The following CDK6 variants were observed in gnomAD, a reference collection of about 807,000 sequenced individuals.
The protein encoded by CDK6 is cyclin dependent kinase 6, also known as cyclin-dependent kinase 6.
A neutral mutation model predicts 37.1 loss-of-function variants in CDK6; 6 were observed. The ratio of observed to expected loss-of-function variants is 0.16; its 90% CI spans 0.09 to 0.32. The LOEUF (loss-of-function observed/expected upper bound fraction) is 0.32, where lower values mean the gene tolerates loss of function less well. Ranked by LOEUF, CDK6 falls within the 10% of genes least tolerant of loss-of-function variation. The probability of loss-of-function intolerance (pLI) is 1.00; values close to 1 mark genes in which losing one functional copy is unlikely to be tolerated. For synonymous variants in CDK6, 160 were observed against 161.3 expected (o/e 0.99, Z 0.06); for missense variants, 224 against 418.9 (o/e 0.53, Z 4.06).
intron 4 of CDK6, among the ~76,000 whole-genome samples, chr7:92,714,046 C>T (rs889350352): frequency 1.3e-5 from 2 of 152,072 alleles, no homozygotes; most frequent in Non-Finnish European, 2.9e-5. Flanking sequence ...TGTGTTGTTA[C>T]CTGAAGTGCT....
At chr7:92,745,752 A>G (rs1562953739) in intron 3 of CDK6, among the ~76,000 whole-genome samples, 2 of 152,212 alleles carry the variant, frequency 1.3e-5, no homozygotes, top group African/African-American at 4.8e-5. Flanking sequence ...TGTGTTGCTG[A>G]TAAGTCTGCT....
At chr7:92,800,902 G>A (rs1270472338) in intron 2 of CDK6, among the ~76,000 whole-genome samples, 1 of 152,048 alleles carries the variant, frequency 6.6e-6, no homozygotes, top group Non-Finnish European at 1.5e-5. Context: ...TCATTTCTTG[G>A]GATGTATCCT....
At chr7:92,801,436 T>C (rs867797165) in intron 2 of CDK6, among the ~76,000 whole-genome samples, 3 of 152,078 alleles carry the variant, frequency 2.0e-5, no homozygotes, top group South Asian at 4.1e-4. Flanking sequence ...TACAGGGACA[T>C]AGAATTTTAA....
chr7:92,688,597 A>T (rs1454065488), intron 4 of CDK6, among the ~76,000 whole-genome samples: 4 of 150,094 alleles, frequency 2.7e-5, no homozygotes, highest in African/African-American at 7.3e-5. Context: ...ACACACACAC[A>T]CACACACACA....
chr7:92,694,486 A>G (rs1797665140), intron 4 of CDK6, among the ~76,000 whole-genome samples: 1 of 152,254 alleles, frequency 6.6e-6, no homozygotes, highest in Non-Finnish European at 1.5e-5. Context: ...CTGAAAGAAC[A>G]TTAATAATTA....
At chr7:92,714,525 C>G (rs1167858082) in intron 4 of CDK6, among the ~76,000 whole-genome samples, 2 of 152,140 alleles carry the variant, frequency 1.3e-5, no homozygotes, top group East Asian at 3.9e-4. Flanking sequence ...TTCACCTCCC[C>G]AAACGGGCTT....
chr7:92,799,744 T>C (rs1800520796), intron 2 of CDK6, among the ~76,000 whole-genome samples: 1 of 152,188 alleles, frequency 6.6e-6, no homozygotes, highest in South Asian at 2.1e-4. Context: ...ACAAATTATA[T>C]GCAAAAGTGA....
chr7:92,764,094 C>A (rs1345912930), intron 3 of CDK6, among the ~76,000 whole-genome samples: 2 of 150,166 alleles, frequency 1.3e-5, no homozygotes, highest in African/African-American at 4.9e-5. Flanking sequence ...TCCAGGCATC[C>A]TAATTAATCT....
At chr7:92,798,824 G>A (rs1800487446) in intron 2 of CDK6, among the ~76,000 whole-genome samples, 1 of 151,986 alleles carries the variant, frequency 6.6e-6, no homozygotes, top group South Asian at 2.1e-4. Flanking sequence ...ATTCCTCCCT[G>A]CTTCACACAA....
At chr7:92,736,100 C>T (rs1322168382) in intron 3 of CDK6, among the ~76,000 whole-genome samples, 1 of 151,972 alleles carries the variant, frequency 6.6e-6, no homozygotes, top group Admixed American at 6.6e-5. Context: ...TTGCAACTTT[C>T]GTGGGCCTTG....
In CDK6 at chr7:92,835,056, T is replaced by A. The variant is rs1164940641; in HGVS notation, c.-367-1366A>T. 6.6e-6 allele frequency: 1 copy of A among 152,154 alleles called. No homozygotes were observed. The highest frequency in any genetic ancestry group is 2.4e-5 in the African/African-American group (1 of 41,418). 9.4% of individuals were successfully genotyped at this position (152,154 alleles called of 1,614,324 possible). ...CCTCGCAACCGCTGGCCCGCTCGCC[T>A]TTTGCCAGGAATTAAACAAACGGCG... On this transcript the variant is annotated intron_variant, in intron 1 of 7. Transcript: ENST00000424848. The surrounding 1 kb of genome is among the most constrained non-coding windows in gnomAD (Gnocchi z 4.2).
At chr7:92,719,779 C>T (rs1798323984) in intron 4 of CDK6, among the ~76,000 whole-genome samples, 1 of 152,148 alleles carries the variant, frequency 6.6e-6, no homozygotes, top group African/African-American at 2.4e-5. Context: ...TTTTAGGGTA[C>T]ACTTCTCTCT....
At chr7:92,623,700 G>A (rs758595150) in intron 5 of CDK6, among the ~76,000 whole-genome samples, 10 of 152,090 alleles carry the variant, frequency 6.6e-5, no homozygotes, top group Non-Finnish European at 5.9e-5. Context: ...TCTACATTGA[G>A]CATTTAACTG....
intron 5 of CDK6, among the ~76,000 whole-genome samples, chr7:92,661,270 A>C (rs1201250749): frequency 2.0e-5 from 3 of 152,208 alleles, no homozygotes; most frequent in Non-Finnish European, 4.4e-5. Flanking sequence ...CTTACCTGTC[A>C]AATAGGGATG....
chr7:92,651,723 GC>G (rs374985437), intron 5 of CDK6, among the ~76,000 whole-genome samples: 257 of 151,710 alleles, frequency 1.7e-3, no homozygotes, highest in African/African-American at 5.7e-3. Context: ...TCCCAGGAAT[GC>G]ATTTCTATAA....
At chr7:92,764,052 T>A (rs980055913) in intron 3 of CDK6, among the ~76,000 whole-genome samples, 6 of 148,732 alleles carry the variant, frequency 4.0e-5, no homozygotes, top group Non-Finnish European at 6.0e-5. Context: ...CTGTTGGGTT[T>A]AAAAAAAAAA....
chr7:92,617,486 T>C (rs1277492468), intron 7 of CDK6, among the ~76,000 whole-genome samples: 1 of 152,180 alleles, frequency 6.6e-6, no homozygotes, highest in Non-Finnish European at 1.5e-5. Context: ...CAGGTACACT[T>C]TTCTACCTAT....
At chr7:92,797,893 C>T (rs1394740501) in intron 2 of CDK6, among the ~76,000 whole-genome samples, 3 of 152,174 alleles carry the variant, frequency 2.0e-5, no homozygotes, top group East Asian at 1.9e-4. Flanking sequence ...CAGACAACAA[C>T]GGGATCTTGG....
intron 5 of CDK6, among the ~76,000 whole-genome samples, chr7:92,665,267 TCATCCATCCATC>T (rs3831549): frequency 0.028 from 4,296 of 150,928 alleles, 187 homozygotes; most frequent in Admixed American, 0.11. Context: ...AACCATCCAA[TCATCCATCCATC>T]CATCCATCCA....
Sources: allele counts gnomAD v4.1 joint callset (sites outside exome capture counted in the v4.1 genomes callset), GRCh38; gene constraint gnomAD v4.1.1; non-coding constraint Gnocchi (gnomAD v3.1); transcripts MANE v1.5; gene names NCBI Gene and HGNC (gene_info 2026-07-23, HGNC 2026-07-21).